Variants in TMEM50B observed in about 807,000 individuals in gnomAD.
The protein encoded by TMEM50B is HCV p7-trans-regulated protein 3.
Under a neutral mutation model 23.4 loss-of-function variants are expected in TMEM50B, and 14 were observed. The ratio of observed to expected loss-of-function variants is 0.60; its 90% confidence interval spans 0.39 to 0.93. The LOEUF (loss-of-function observed/expected upper bound fraction) is 0.93, where lower values mean the gene tolerates loss of function less well. Among genes scored for constraint, TMEM50B ranks in the 40% least tolerant of loss-of-function variants. The pLI is 0.00. For missense variants in TMEM50B, 159 were observed against 193.0 expected, an observed-to-expected ratio of 0.82 and a Z score of 1.04; for synonymous variants, 64 against 62.3, an observed-to-expected ratio of 1.03 and a Z score of -0.13.
chr21:33,479,776 C>G (rs1416542912), intron 1 of TMEM50B, 62 bp downstream of exon 1: 1 of 152,526 alleles, frequency 6.6e-6, no homozygotes, highest in African/African-American at 2.4e-5. Flanking sequence ...TCCTTACGCG[C>G]GGGCGGCGGG....
intron 6 of TMEM50B, 140 bp from the exon 7 acceptor site, chr21:33,451,003 TG>T: frequency 1.5e-6 from 1 of 650,280 alleles, no homozygotes; most frequent in East Asian, 2.7e-5. Flanking sequence ...ATGGCAGTGT[TG>T]GTCTTAATTT....
chr21:33,452,215 G>A (rs2084128190), intron 6 of TMEM50B, among the ~76,000 whole-genome samples: 1 of 152,216 alleles, frequency 6.6e-6, no homozygotes, highest in African/African-American at 2.4e-5. Flanking sequence ...TGACATATAA[G>A]ACAGCAGAAA....
chr21:33,435,424 G>A (rs944458377), intron 8 of TMEM50B, among the ~76,000 whole-genome samples: 3 of 152,154 alleles, frequency 2.0e-5, no homozygotes, highest in Admixed American at 6.5e-5. Context: ...TACACTGAGG[G>A]TTGCAAGGAA....
At chr21:33,456,119 A>G (rs770876784) in intron 5 of TMEM50B, 66 of 541,180 alleles carry the variant, frequency 1.2e-4, no homozygotes, top group Non-Finnish European at 2.1e-4. Context: ...AATCGTAAAA[A>G]CATACAAAAT....
At chr21:33,438,785 A>G (rs2038567307) in intron 8 of TMEM50B, among the ~76,000 whole-genome samples, 1 of 151,370 alleles carries the variant, frequency 6.6e-6, no homozygotes, top group Non-Finnish European at 1.5e-5. Context: ...GCTGGAGCGC[A>G]GTGGCGCGAT....
downstream of TMEM50B, chr21:33,449,079 GA>G (rs1232437786): frequency 6.6e-6 from 1 of 151,982 alleles, no homozygotes; most frequent in Non-Finnish European, 1.5e-5. Context: ...TTGAATAATT[GA>G]AAACTGAACA....
At chr21:33,441,103 G>A (rs572816175) in intron 7 of TMEM50B, among the ~76,000 whole-genome samples, 12 of 151,986 alleles carry the variant, frequency 7.9e-5, no homozygotes, top group Non-Finnish European at 1.6e-4. Flanking sequence ...AGTGGCAGGT[G>A]CCTGTAATCA....
chr21:33,477,421 G>A (rs1172676155), intron 1 of TMEM50B, among the ~76,000 whole-genome samples: 1 of 152,190 alleles, frequency 6.6e-6, no homozygotes, highest in East Asian at 1.9e-4. Flanking sequence ...AATTGAGGAT[G>A]TAAAGAGTGA....
At chr21:33,475,118 G>T (rs2084356251) in intron 1 of TMEM50B, among the ~76,000 whole-genome samples, 1 of 151,842 alleles carries the variant, frequency 6.6e-6, no homozygotes, top group African/African-American at 2.4e-5. Context: ...GTAGAGACAG[G>T]GTTTCACATG....
chr21:33,443,423 C>T (rs1431253985), intron 7 of TMEM50B, among the ~76,000 whole-genome samples: 1 of 114,800 alleles, frequency 8.7e-6, no homozygotes, highest in Non-Finnish European at 1.9e-5. Context: ...GTGCACCGCA[C>T]AACCCCACAG....
At chr21:33,456,088 A>C in intron 5 of TMEM50B, 1 of 610,420 alleles carries the variant, frequency 1.6e-6, no homozygotes, top group Non-Finnish European at 3.2e-6. Context: ...TTTGCCTCCT[A>C]TGGCCAACAC....
chr21:33,433,374 G>T (rs911698027), intron 8 of TMEM50B, among the ~76,000 whole-genome samples: 1 of 152,182 alleles, frequency 6.6e-6, no homozygotes, highest in South Asian at 2.1e-4. Flanking sequence ...TGTCGTTGAA[G>T]GATTAATAGA....
At chr21:33,477,267 A>G (rs2084382156) in intron 1 of TMEM50B, among the ~76,000 whole-genome samples, 1 of 152,170 alleles carries the variant, frequency 6.6e-6, no homozygotes, top group Non-Finnish European at 1.5e-5. Context: ...AGCCTGGGCA[A>G]CACAGTGAGA....
At chr21:33,466,772 AAT>A (rs2084267764) in intron 3 of TMEM50B, among the ~76,000 whole-genome samples, 2 of 103,602 alleles carry the variant, frequency 1.9e-5, no homozygotes, top group South Asian at 6.1e-4. Context: ...CAGATTTAAA[AAT>A]ATGAGGAAAA....
Position 33,460,571 on chromosome 21 carries a change from T to G in TMEM50B, c.281-66A>C, listed in dbSNP as rs563958007. On this transcript the variant is annotated intron_variant, in intron 4 of 6. Coordinates refer to ENST00000542230, the MANE Select transcript of TMEM50B (RefSeq NM_006134.7). The stretch of plus-strand genomic sequence containing the variant: ...AGCTCTGTAACGTCTTAGGAATACA[T>G]AATACTAGGAGCCCTGTTAGCCTAG... 71 of 881,870 alleles carry G rather than the reference T, an allele frequency of 8.1e-5. 2 individuals carry two copies. The South Asian group carries it at 1.1e-3, about 13-fold the overall frequency. The allele number at this position is 881,870 out of a possible 1,614,324, so 54.6% of individuals were successfully genotyped here. A position where few individuals can be genotyped will look rare whatever the true frequency, so the allele number is the denominator to read the frequency against.
chr21:33,462,211 A>C (rs1601123779), intron 4 of TMEM50B, among the ~76,000 whole-genome samples: 1 of 152,296 alleles, frequency 6.6e-6, no homozygotes, highest in East Asian at 1.9e-4. Context: ...AAATAGAGAT[A>C]GTTTACAGAT....
At chr21:33,447,164 G>T (rs1337954005), downstream of TMEM50B, 2 of 144,432 alleles carry the variant, frequency 1.4e-5, no homozygotes, top group African/African-American at 5.2e-5. Context: ...AAAAAATCAA[G>T]AAATAAAGAA....
chr21:33,438,904 A>AT (rs1421931601), intron 8 of TMEM50B, among the ~76,000 whole-genome samples: 3 of 150,996 alleles, frequency 2.0e-5, no homozygotes, highest in Non-Finnish European at 2.9e-5. Context: ...TAATTTTTGT[A>AT]TTTTTAGTAG....
intron 5 of TMEM50B, among the ~76,000 whole-genome samples, chr21:33,457,988 T>C (rs545395053): frequency 5.4e-4 from 82 of 152,308 alleles, no homozygotes; most frequent in Admixed American, 3.3e-3. Context: ...GATGAGACCA[T>C]GCACAAATAA....
Sources: gnomAD v4.1 joint callset for allele counts (sites outside exome capture counted in the v4.1 genomes callset) on GRCh38, gnomAD v4.1.1 for gene constraint, MANE v1.5 for transcripts, NCBI Gene and HGNC (gene_info 2026-07-23, HGNC 2026-07-21) for gene names.